ITSN2: variants seen among roughly 807,000 people sequenced by gnomAD.
The protein encoded by ITSN2 is intersectin 2, also known as intersectin-2.
A neutral mutation model predicts 243.7 loss-of-function variants in ITSN2; 156 were observed. The ratio of observed to expected loss-of-function variants is 0.64; its 90% CI spans 0.56 to 0.73. The LOEUF is 0.73. Ranked by LOEUF, ITSN2 falls within the 30% of genes least tolerant of loss-of-function variation. The pLI is 0.00. For synonymous variants in ITSN2, 703 were observed against 699.9 expected (o/e 1.00, Z -0.07); for missense variants, 1,801 against 1,996.1 (o/e 0.90, Z 1.86).
chr2:24,294,153 C>T (rs368285726), intron 14 of ITSN2, among the ~76,000 whole-genome samples: 18 of 152,252 alleles, frequency 1.2e-4, no homozygotes, highest in Non-Finnish European at 2.5e-4. Context: ...AAGCTGGGTG[C>T]GGTGGCTCAC....
chr2:24,270,546 G>A (rs1173455187), intron 20 of ITSN2, 125 bp downstream of exon 20: 1 of 596,472 alleles, frequency 1.7e-6, no homozygotes, highest in East Asian at 2.9e-5. Context: ...GTCCAAATGA[G>A]GTAATGTTTA....
chr2:24,318,308 G>A (rs541015793), intron 2 of ITSN2, among the ~76,000 whole-genome samples: 64 of 152,156 alleles, frequency 4.2e-4, no homozygotes, highest in East Asian at 1.9e-3. Flanking sequence ...ACTACAGCTG[G>A]CTAATTTTTG....
intron 1 of ITSN2, among the ~76,000 whole-genome samples, chr2:24,359,283 A>C (rs1173467508): frequency 1.3e-5 from 2 of 152,210 alleles, no homozygotes; most frequent in Non-Finnish European, 2.9e-5. Flanking sequence ...AAACTACAAG[A>C]GCTATGCTAC....
chr2:24,310,836 A>ACGCCTGTAAT, intron 5 of ITSN2, 144 bp from the exon 6 acceptor site: 1 of 664,458 alleles, frequency 1.5e-6, no homozygotes, highest in Non-Finnish European at 2.6e-6. Flanking sequence ...CACTACTTTG[A>ACGCCTGTAAT]CCCAGCAGTG....
chr2:24,285,775 T>C (rs1359987861), intron 16 of ITSN2, among the ~76,000 whole-genome samples: 3 of 152,244 alleles, frequency 2.0e-5, no homozygotes, highest in South Asian at 2.1e-4. Context: ...GATTATTGCA[T>C]TATTTAACAA....
chr2:24,340,257 G>C (rs1253818704), intron 1 of ITSN2, among the ~76,000 whole-genome samples: 2 of 152,122 alleles, frequency 1.3e-5, no homozygotes, highest in Admixed American at 6.5e-5. Flanking sequence ...CGAGGCGGCA[G>C]ATTACCTGAG....
At chr2:24,298,136 C>G (rs943459718) in intron 13 of ITSN2, among the ~76,000 whole-genome samples, 8 of 151,812 alleles carry the variant, frequency 5.3e-5, no homozygotes, top group South Asian at 2.1e-4. Context: ...AGGCACCCAC[C>G]ACCACCCACC....
At chr2:24,216,505 C>T (rs1669965554) in intron 31 of ITSN2, among the ~76,000 whole-genome samples, 1 of 152,226 alleles carries the variant, frequency 6.6e-6, no homozygotes, top group Admixed American at 6.5e-5. Context: ...CCTCTAATCC[C>T]AGCATTTCGG....
chr2:24,265,783 C>A (rs1457178820), intron 20 of ITSN2, among the ~76,000 whole-genome samples: 1 of 152,196 alleles, frequency 6.6e-6, no homozygotes, highest in African/African-American at 2.4e-5. Flanking sequence ...AGTTATATGA[C>A]ATTCTTTAAA....
chr2:24,339,019 T>C (rs1686748597), intron 1 of ITSN2, among the ~76,000 whole-genome samples: 1 of 152,006 alleles, frequency 6.6e-6, no homozygotes, highest in Non-Finnish European at 1.5e-5. Flanking sequence ...TGAATGACAT[T>C]GTATAGTGTG....
chr2:24,217,890 T>C lies in ITSN2; in HGVS notation c.3806+17A>G. The C allele has an allele frequency of 2.5e-6, 4 of 1,572,048 alleles. No individual in the cohort carries two copies. The highest frequency in any genetic ancestry group is 3.5e-6 in the Non-Finnish European group (4 of 1,142,686). ...CTTTGGGGTCAGCGGCAATGACAGG[T>C]GATGCTCAGGACTCACTTCAGCAGC... On this transcript the variant is annotated intron_variant, in intron 31 of 39. Transcript: ENST00000355123.
rs534034904 is a variant in ITSN2, at chr2:24,254,535, C to T, written c.2889-104G>A. On this transcript the variant is annotated intron_variant, in intron 23 of 39. Transcript: ENST00000355123. Reference sequence around the variant, plus strand: ...GGTTTTAGTAGTGCATTTTTTAGGGCTTTCTCAAATTAAATATAGTCTTAG... The same window carrying T: ...GGTTTTAGTAGTGCATTTTTTAGGGTTTTCTCAAATTAAATATAGTCTTAG... The T allele has an allele frequency of 5.0e-6, 4 of 796,632 alleles. No individual in the cohort carries two copies. In the Admixed American group the frequency reaches 6.4e-5, roughly 13 times the overall value. The allele number at this position is 796,632 out of a possible 1,614,324, so 49.3% of individuals were successfully genotyped here.
At position 24,320,369 on chromosome 2, in the gene ITSN2, A is replaced by G. The variant is rs2151797910; in HGVS notation, c.32-5145T>C. Among the ~76,000 whole-genome samples, 2 of 149,546 alleles carry G rather than the reference A, an allele frequency of 1.3e-5. 1 individual carries two copies. Among genetic ancestry groups the G allele is most frequent in the South Asian group, 4.3e-4 (2 of 4,620 alleles). On this transcript the variant is annotated intron_variant, in intron 2 of 39. Coordinates refer to ENST00000355123, the MANE Select transcript of ITSN2 (RefSeq NM_006277.3). ...CCCGTCTCTACTAAAAATACAAAAA[A>G]TTAGCCGGGCGCGGTGGCGGGCGCC...
intron 19 of ITSN2, among the ~76,000 whole-genome samples, chr2:24,271,338 C>CT (rs1677318367): frequency 6.6e-6 from 1 of 152,042 alleles, no homozygotes; most frequent in African/African-American, 2.4e-5. Flanking sequence ...CAAACTGTAT[C>CT]ATTAATAATG....
intron 29 of ITSN2, among the ~76,000 whole-genome samples, chr2:24,223,867 GAAAGAAAAA>G (rs1558446739): frequency 2.3e-5 from 1 of 44,014 alleles, no homozygotes; most frequent in African/African-American, 5.1e-5. Context: ...AGAAAGGAAA[GAAAGAAAAA>G]AAAGAAAGAA....
chr2:24,284,817 A>T lies in ITSN2; in HGVS notation c.1890T>A (p.Leu630=). 6.2e-7 allele frequency: 1 copy of T among 1,606,990 alleles called. No homozygotes were observed. Among genetic ancestry groups the T allele is most frequent in the African/African-American group, 1.3e-5 (1 of 74,882 alleles). The change falls in exon 17 of 40, where the codon CTT becomes CTA. Residue 630 remains leucine (L), a synonymous_variant. Transcript: ENST00000355123. ...AGCTTAGCAGAGACAAAAGGCACTG[A>T]AGAACAGAGTCATCCATATTCCCAC... ...LKCGNMDDSV[L]QCLLSLLSCL...
At chr2:24,210,070 G>A (rs767014512) in intron 34 of ITSN2, 37 bp from the exon 35 acceptor site, 1 of 1,509,014 alleles carries the variant, frequency 6.6e-7, no homozygotes, top group South Asian at 1.1e-5. Flanking sequence ...TTAAATCCCG[G>A]CACAAACCAT....
At chr2:24,348,679 A>G (rs896357507) in intron 1 of ITSN2, among the ~76,000 whole-genome samples, 1 of 152,196 alleles carries the variant, frequency 6.6e-6, no homozygotes, top group African/African-American at 2.4e-5. Flanking sequence ...CTGGCATCTA[A>G]GCTGATGCCA....
chr2:24,337,765 A>G (rs1024372823), intron 1 of ITSN2, among the ~76,000 whole-genome samples: 6 of 151,040 alleles, frequency 4.0e-5, no homozygotes, highest in Non-Finnish European at 5.9e-5. Flanking sequence ...AGCTAGGACT[A>G]CAAGTGTGCA....
Sources: gnomAD v4.1 joint callset for allele counts (sites outside exome capture counted in the v4.1 genomes callset) on GRCh38, gnomAD v4.1.1 for gene constraint, MANE v1.5 for transcripts, NCBI Gene and HGNC (gene_info 2026-07-23, HGNC 2026-07-21) for gene names.